SPATA13: variants seen among roughly 807,000 people sequenced by gnomAD.
The protein encoded by SPATA13 is spermatogenesis-associated protein 13.
A neutral mutation model predicts 104.0 loss-of-function variants in SPATA13; 50 were observed. That is an observed-to-expected ratio of 0.48 (90% CI 0.38 to 0.61). SPATA13 has a LOEUF of 0.61. Among genes scored for constraint, SPATA13 ranks in the 20% least tolerant of loss-of-function variants. The pLI is 0.00. For missense variants in SPATA13, 1,524 were observed against 1,690.6 expected (o/e 0.90, Z 1.73); for synonymous variants, 606 against 667.5 (o/e 0.91, Z 1.42).
chr13:24,207,784 A>G (rs1321427350), intron 1 of SPATA13, among the ~76,000 whole-genome samples: 2 of 152,238 alleles, frequency 1.3e-5, no homozygotes, highest in African/African-American at 4.8e-5. Context: ...CAGACTGGCT[A>G]TCCTGAGCCA....
intron 4 of SPATA13, chr13:24,270,825 T>A (rs771016933): frequency 6.2e-7 from 1 of 1,612,854 alleles, no homozygotes; most frequent in South Asian, 1.1e-5. Flanking sequence ...ACCCCAGTCC[T>A]GCTCTGAAGG....
chr13:24,077,855 G>T (rs1442570347), intron 3 of SPATA13, among the ~76,000 whole-genome samples: 1 of 152,088 alleles, frequency 6.6e-6, no homozygotes. Context: ...CACTGCTGTT[G>T]TGAGAACTGG....
intron 2 of SPATA13, among the ~76,000 whole-genome samples, chr13:24,000,362 T>A (rs1875898484): frequency 6.6e-6 from 1 of 151,904 alleles, no homozygotes; most frequent in Admixed American, 6.6e-5. Flanking sequence ...AGTCCAGTGA[T>A]GGAGAATATG....
intron 3 of SPATA13, among the ~76,000 whole-genome samples, chr13:24,066,389 T>A (rs1185035318): frequency 6.6e-6 from 1 of 152,158 alleles, no homozygotes; most frequent in Non-Finnish European, 1.5e-5. Context: ...ACTCAGAGTT[T>A]AAAGGATTTG....
At chr13:24,163,312 G>T (rs894803771) in intron 1 of SPATA13, among the ~76,000 whole-genome samples, 26 of 152,300 alleles carry the variant, frequency 1.7e-4, no homozygotes, top group Admixed American at 1.3e-3. Context: ...TGAGGTGAGA[G>T]GATCTCTTGA....
Position 24,289,187 on chromosome 13 carries a change from C to G in SPATA13, c.2847+9C>G. On this transcript the variant is annotated intron_variant, in intron 8 of 12. Coordinates refer to ENST00000382108, the MANE Select transcript of SPATA13 (RefSeq NM_001166271.3). ...CTTGCTTTCTTCAAAATGTGCGTCA[C>G]CCTTTACTTCATTATTAATAACATC... 1 of 1,598,180 alleles carries G rather than the reference C, an allele frequency of 6.3e-7. No individual in the cohort carries two copies. The highest frequency in any genetic ancestry group is 8.5e-7 in the Non-Finnish European group (1 of 1,175,186).
chr13:24,044,832 A>C (rs1279941845), intron 3 of SPATA13, among the ~76,000 whole-genome samples: 1 of 141,352 alleles, frequency 7.1e-6, no homozygotes, highest in Non-Finnish European at 1.5e-5. Context: ...CATATGTGGA[A>C]TCTGAAAATA....
Position 24,305,317 on chromosome 13 carries a change from T to C in SPATA13, c.*2544T>C, listed in dbSNP as rs997633706. The C allele has an allele frequency of 5.3e-5, 8 of 152,242 alleles. No individual in the cohort carries two copies. Among genetic ancestry groups the C allele is most frequent in the African/African-American group, 1.9e-4 (8 of 41,468 alleles). 9.4% of individuals were successfully genotyped at this position (152,242 alleles called of 1,614,324 possible). ...TTTTGTTAAGTCAGGTTCAATTCGT[T>C]GCCCCTGTCAGTTTTATAGAGTGTG... is the stretch of plus-strand genomic sequence containing the variant. On this transcript the variant is annotated 3_prime_UTR_variant, in exon 13 of 13. Transcript: ENST00000382108.
intron 10 of SPATA13, among the ~76,000 whole-genome samples, chr13:24,295,344 C>T (rs1278124711): frequency 6.6e-6 from 1 of 152,074 alleles, no homozygotes; most frequent in East Asian, 1.9e-4. Context: ...GGCACAGTGG[C>T]TCACACCTGT....
At chr13:24,191,940 A>T (rs1325346959) in intron 1 of SPATA13, among the ~76,000 whole-genome samples, 1 of 152,142 alleles carries the variant, frequency 6.6e-6, no homozygotes, top group African/African-American at 2.4e-5. Flanking sequence ...AGGCCTGCGT[A>T]CACATTGAAG....
At chr13:24,270,715 G>A (rs1044791664) in intron 4 of SPATA13, 7 of 1,511,292 alleles carry the variant, frequency 4.6e-6, no homozygotes, top group African/African-American at 4.1e-5. Context: ...GGCCGGGAAC[G>A]CATACAACGT....
At chr13:24,118,564 AC>A (rs1880927414) in intron 3 of SPATA13, among the ~76,000 whole-genome samples, 1 of 152,122 alleles carries the variant, frequency 6.6e-6, no homozygotes, top group African/African-American at 2.4e-5. Flanking sequence ...AACACAGATG[AC>A]TTAAGCCCCA....
At chr13:24,003,233 G>C (rs1326381347) in intron 2 of SPATA13, among the ~76,000 whole-genome samples, 4 of 152,122 alleles carry the variant, frequency 2.6e-5, no homozygotes, top group Admixed American at 2.0e-4. Flanking sequence ...GAGTGCCTAG[G>C]CCAGATCACT....
At chr13:24,282,512 G>T (rs886810831) in intron 4 of SPATA13, among the ~76,000 whole-genome samples, 1 of 152,184 alleles carries the variant, frequency 6.6e-6, no homozygotes, top group Admixed American at 6.5e-5. Context: ...ATCCTTGACT[G>T]TATCTCTGTT....
intron 3 of SPATA13, among the ~76,000 whole-genome samples, chr13:24,250,647 C>T (rs1873429463): frequency 6.6e-6 from 1 of 152,206 alleles, no homozygotes; most frequent in Admixed American, 6.5e-5. Flanking sequence ...TATACGTCTA[C>T]ATTTTTCCTG....
chr13:24,226,678 T>G (rs1325627656), intron 2 of SPATA13, among the ~76,000 whole-genome samples: 1 of 152,218 alleles, frequency 6.6e-6, no homozygotes, highest in Non-Finnish European at 1.5e-5. Context: ...CAAATGCTCC[T>G]TCCCACCCAT....
chr13:24,040,199 A>G (rs903936311), intron 3 of SPATA13, among the ~76,000 whole-genome samples: 1 of 152,156 alleles, frequency 6.6e-6, no homozygotes, highest in African/African-American at 2.4e-5. Flanking sequence ...AACCAGAGAG[A>G]GCGTTAAGTC....
intron 11 of SPATA13, among the ~76,000 whole-genome samples, chr13:24,299,588 A>G (rs778691195): frequency 6.6e-6 from 1 of 152,198 alleles, no homozygotes; most frequent in Non-Finnish European, 1.5e-5. Flanking sequence ...TGAAGGAATC[A>G]GGGCCAGGGG....
intron 3 of SPATA13, among the ~76,000 whole-genome samples, chr13:24,136,804 T>C (rs1881585194): frequency 6.6e-6 from 1 of 152,174 alleles, no homozygotes; most frequent in African/African-American, 2.4e-5. Context: ...TGGATGCAAA[T>C]TTGATTAAAT....
Sources: gnomAD v4.1 joint callset for allele counts (sites outside exome capture counted in the v4.1 genomes callset) on GRCh38, gnomAD v4.1.1 for gene constraint, MANE v1.5 for transcripts, NCBI Gene and HGNC (gene_info 2026-07-23, HGNC 2026-07-21) for gene names.